Variants in LRP12 observed in about 807,000 individuals in gnomAD.
LRP12 encodes the protein low-density lipoprotein receptor-related protein 12.
In LRP12, 14 loss-of-function variants were observed where a neutral mutation model predicts 66.0. That is an observed-to-expected ratio of 0.21 (90% CI 0.14 to 0.33). LRP12 has a LOEUF of 0.33. LRP12 is among the 10% of genes least tolerant of loss of function. LRP12 has a pLI of 1.00. For missense variants in LRP12, 889 were observed against 1,053.4 expected, an observed-to-expected ratio of 0.84 and a Z score of 2.16; for synonymous variants, 357 against 359.1, an observed-to-expected ratio of 0.99 and a Z score of 0.07.
chr8:104,498,376 C>T (rs1810772246), intron 4 of LRP12, among the ~76,000 whole-genome samples: 1 of 146,840 alleles, frequency 6.8e-6, no homozygotes, highest in African/African-American at 2.5e-5. Context: ...CTCTCCCTCC[C>T]ACCCCACCCT....
chr8:104,551,099 T>C (rs1811718030), intron 1 of LRP12, among the ~76,000 whole-genome samples: 1 of 152,194 alleles, frequency 6.6e-6, no homozygotes, highest in South Asian at 2.1e-4. Context: ...TGTACTTATA[T>C]ATTTTGGATT....
chr8:104,556,795 C>T (rs1039892141), intron 1 of LRP12, among the ~76,000 whole-genome samples: 25 of 152,142 alleles, frequency 1.6e-4, no homozygotes, highest in African/African-American at 6.0e-4. Context: ...AATAACAAAA[C>T]CAGGGAAGGA....
intron 1 of LRP12, among the ~76,000 whole-genome samples, chr8:104,555,582 G>T (rs1811794612): frequency 6.6e-6 from 1 of 152,102 alleles, no homozygotes; most frequent in African/African-American, 2.4e-5. Flanking sequence ...ATTATATAAT[G>T]ATAAAAGGAC....
chr8:104,565,602 G>C (rs955662732), intron 1 of LRP12, among the ~76,000 whole-genome samples: 1 of 152,124 alleles, frequency 6.6e-6, no homozygotes, highest in African/African-American at 2.4e-5. Context: ...GCTCACGCCT[G>C]TAATCCCAGC....
chr8:104,521,600 T>C (rs556944652), intron 2 of LRP12, among the ~76,000 whole-genome samples: 22 of 151,442 alleles, frequency 1.5e-4, no homozygotes, highest in African/African-American at 5.1e-4. Context: ...TAGCATCCTA[T>C]AGTAATGTTT....
At chr8:104,579,325 C>T (rs1417291551) in intron 1 of LRP12, among the ~76,000 whole-genome samples, 1 of 151,948 alleles carries the variant, frequency 6.6e-6, no homozygotes, top group Non-Finnish European at 1.5e-5. Flanking sequence ...TAATTCCATT[C>T]ACAACTGCCA....
intron 1 of LRP12, among the ~76,000 whole-genome samples, chr8:104,577,939 C>G (rs1437374314): frequency 6.6e-6 from 1 of 151,794 alleles, no homozygotes; most frequent in Non-Finnish European, 1.5e-5. Flanking sequence ...ATGCCCACAT[C>G]AAAAAGTTAG....
At chr8:104,579,634 C>CA (rs2140899758) in intron 1 of LRP12, among the ~76,000 whole-genome samples, 1 of 152,162 alleles carries the variant, frequency 6.6e-6, no homozygotes, top group Non-Finnish European at 1.5e-5. Flanking sequence ...TAATCCTAAG[C>CA]AAACAGAAGA....
chr8:104,548,223 G>GATATATTTATATTAAT lies in LRP12; in HGVS notation c.80-16276_80-16261dup, dbSNP rs1564141920. On this transcript the variant is annotated intron_variant, in intron 1 of 6. Coordinates refer to ENST00000276654, the MANE Select transcript of LRP12 (RefSeq NM_013437.5). ...ATATGATATATTTATATTAATATAT[G>GATATATTTATATTAAT]ATATATTTATATTAATATACGATAT... Among the ~76,000 whole-genome samples, 480 of 87,992 alleles carry GATATATTTATATTAAT rather than the reference G, an allele frequency of 5.5e-3. 4 individuals carry two copies. Among genetic ancestry groups the GATATATTTATATTAAT allele is most frequent in the Admixed American group, 0.011 (63 of 5,888 alleles). The allele number at this position is 87,992 out of a possible 152,430, so 57.7% of individuals were successfully genotyped here.
intron 1 of LRP12, among the ~76,000 whole-genome samples, chr8:104,583,458 G>GT: frequency 6.6e-6 from 1 of 152,148 alleles, no homozygotes; most frequent in East Asian, 1.9e-4. Context: ...TCTCATAAAC[G>GT]TCCCTTCATG....
chr8:104,496,866 T>G (rs946777902), intron 5 of LRP12, 106 bp downstream of exon 5: 16 of 1,115,356 alleles, frequency 1.4e-5, no homozygotes, highest in Non-Finnish European at 1.9e-5. Context: ...TTATCCATTT[T>G]CTAAACTAAT....
chr8:104,533,020 T>C (rs1324808262), intron 1 of LRP12, among the ~76,000 whole-genome samples: 1 of 152,116 alleles, frequency 6.6e-6, no homozygotes, highest in Non-Finnish European at 1.5e-5. Context: ...ATATTATTGT[T>C]ACTAAAGAAA....
chr8:104,529,011 AAC>A (rs1292043612), intron 2 of LRP12, among the ~76,000 whole-genome samples: 1 of 152,226 alleles, frequency 6.6e-6, no homozygotes, highest in Non-Finnish European at 1.5e-5. Context: ...ATTTAATTAA[AAC>A]ACACATTTTG....
At chr8:104,492,637 TG>T (rs1179377352) in intron 6 of LRP12, among the ~76,000 whole-genome samples, 129 of 152,292 alleles carry the variant, frequency 8.5e-4, no homozygotes, top group African/African-American at 3.0e-3. Context: ...TCTTTGTGAC[TG>T]GTATTGCATT....
chr8:104,572,457 A>C (rs537907171), intron 1 of LRP12, among the ~76,000 whole-genome samples: 1 of 152,184 alleles, frequency 6.6e-6, no homozygotes, highest in African/African-American at 2.4e-5. Flanking sequence ...AAAATCAACA[A>C]AATAAAGAAA....
chr8:104,580,106 G>A (rs1812222575), intron 1 of LRP12, among the ~76,000 whole-genome samples: 3 of 152,180 alleles, frequency 2.0e-5, no homozygotes, highest in Admixed American at 6.5e-5. Flanking sequence ...ACGAGCTTCT[G>A]TCCAGCAAAG....
At position 104,529,831 on chromosome 8, in the gene LRP12, C is replaced by T. The variant is rs374608997; in HGVS notation, c.136+2076G>A. 1.8e-4 allele frequency among the ~76,000 whole-genome samples: 27 copies of T among 152,284 alleles called. No homozygotes were observed. The East Asian group carries it at 3.7e-3, about 21-fold the overall frequency. On this transcript the variant is annotated intron_variant, in intron 2 of 6. Transcript: ENST00000276654. ...GCAACTAACCTTAAAGAAACTACCT[C>T]GTGTTGAGTTTTGGTGTAGTATCAT... is the stretch of plus-strand genomic sequence containing the variant.
intron 1 of LRP12, among the ~76,000 whole-genome samples, chr8:104,576,516 A>T (rs1812167635): frequency 1.3e-5 from 2 of 152,200 alleles, no homozygotes; most frequent in South Asian, 4.1e-4. Flanking sequence ...CCAAAGCGTC[A>T]TAAGCAAAGG....
intron 1 of LRP12, among the ~76,000 whole-genome samples, chr8:104,562,704 T>C (rs1046872946): frequency 1.3e-5 from 2 of 152,198 alleles, no homozygotes; most frequent in African/African-American, 4.8e-5. Context: ...CCAATTACTG[T>C]TTCTATAAAT....
Sources: gnomAD v4.1 joint callset for allele counts (sites outside exome capture counted in the v4.1 genomes callset) on GRCh38, gnomAD v4.1.1 for gene constraint, MANE v1.5 for transcripts, NCBI Gene and HGNC (gene_info 2026-07-23, HGNC 2026-07-21) for gene names.